Variants in KIF26B observed in about 807,000 individuals in gnomAD.
The protein encoded by KIF26B is kinesin-like protein KIF26B.
Under a neutral mutation model 151.2 loss-of-function variants are expected in KIF26B, and 63 were observed. That is an observed-to-expected ratio of 0.42 (90% confidence interval 0.34 to 0.51). KIF26B has a LOEUF of 0.51. KIF26B is among the 20% of genes least tolerant of loss of function. KIF26B has a pLI of 0.07. For synonymous variants in KIF26B, 1,357 were observed against 1,262.1 expected, an observed-to-expected ratio of 1.08 and a Z score of -1.59; for missense variants, 2,813 against 2,913.6, an observed-to-expected ratio of 0.97 and a Z score of 0.79.
chr1:245,197,019 C>T (rs1467896759), intron 2 of KIF26B, among the ~76,000 whole-genome samples: 1 of 152,136 alleles, frequency 6.6e-6, no homozygotes, highest in Non-Finnish European at 1.5e-5. Context: ...TTCTGTTCCG[C>T]ATTTGGAGAT....
intron 4 of KIF26B, among the ~76,000 whole-genome samples, chr1:245,481,426 G>C (rs922981366): frequency 1.3e-5 from 2 of 151,836 alleles, no homozygotes; most frequent in African/African-American, 4.8e-5. Flanking sequence ...TAAAATATCA[G>C]GCTTCTGTGT....
chr1:245,693,551 T>G (rs2044653226), intron 12 of KIF26B, among the ~76,000 whole-genome samples: 2 of 152,336 alleles, frequency 1.3e-5, no homozygotes, highest in South Asian at 4.1e-4. Flanking sequence ...GTCTGCTACT[T>G]TGTCATTCTA....
intron 2 of KIF26B, among the ~76,000 whole-genome samples, chr1:245,335,070 C>G (rs1035063804): frequency 5.3e-5 from 8 of 152,174 alleles, no homozygotes; most frequent in Non-Finnish European, 1.5e-5. Context: ...ACCACTGAGG[C>G]CCAGCACCAG....
intron 4 of KIF26B, among the ~76,000 whole-genome samples, chr1:245,507,046 G>A (rs1660740400): frequency 6.6e-6 from 1 of 152,168 alleles, no homozygotes; most frequent in Admixed American, 6.5e-5. Context: ...TACCTCCCAG[G>A]AGGCCCGAGG....
At chr1:245,309,681 TCTCA>T (rs947028300) in intron 2 of KIF26B, among the ~76,000 whole-genome samples, 5 of 147,922 alleles carry the variant, frequency 3.4e-5, no homozygotes, top group African/African-American at 9.8e-5. Flanking sequence ...AATAAATATC[TCTCA>T]CTATATATAG....
At chr1:245,310,033 T>C (rs1363357751) in intron 2 of KIF26B, among the ~76,000 whole-genome samples, 2 of 147,798 alleles carry the variant, frequency 1.4e-5, no homozygotes, top group African/African-American at 4.9e-5. Context: ...TCACGTGATC[T>C]TAGGTACTAG....
chr1:245,665,311 G>C (rs556295080), intron 10 of KIF26B, among the ~76,000 whole-genome samples: 2 of 152,288 alleles, frequency 1.3e-5, no homozygotes, highest in African/African-American at 4.8e-5. Flanking sequence ...TCAAAATTTA[G>C]ATGACTTGTT....
At chr1:245,439,113 C>T (rs984819903) in intron 4 of KIF26B, among the ~76,000 whole-genome samples, 2 of 151,918 alleles carry the variant, frequency 1.3e-5, no homozygotes, top group Admixed American at 6.6e-5. Flanking sequence ...TTTGGCAGGC[C>T]GAGGTGGGAG....
intron 9 of KIF26B, among the ~76,000 whole-genome samples, chr1:245,612,785 G>A (rs888488053): frequency 2.0e-5 from 3 of 152,028 alleles, no homozygotes; most frequent in Non-Finnish European, 4.4e-5. Flanking sequence ...CCCTCAAATC[G>A]TCAGTGAAGG....
Position 245,375,718 on chromosome 1 carries a change from A to G in KIF26B, c.999+8351A>G, listed in dbSNP as rs954711005. On this transcript the variant is annotated intron_variant, in intron 3 of 14. Transcript: ENST00000407071. The surrounding 1 kb of genome is among the most constrained non-coding windows in gnomAD (Gnocchi z 4.2). ...TCAGCAGCAATAGGAAGCTATTACAACTGGTGAGCCTTCTGTTAACTGAAA... is the reference window on the plus strand; with the variant it reads ...TCAGCAGCAATAGGAAGCTATTACAGCTGGTGAGCCTTCTGTTAACTGAAA... 1.3e-4 allele frequency among the ~76,000 whole-genome samples: 20 copies of G among 152,190 alleles called. No individual in the cohort carries two copies. The highest frequency in any genetic ancestry group is 4.8e-4 in the African/African-American group (20 of 41,444).
rs2043461148 is a variant in KIF26B at position 245,606,922 on chromosome 1, C to G, written c.1558-729C>G. Among the ~76,000 whole-genome samples, 2 of 151,816 alleles carry G rather than the reference C, an allele frequency of 1.3e-5. No individual in the cohort carries two copies. Among genetic ancestry groups the G allele is most frequent in the Admixed American group, 6.6e-5 (1 of 15,250 alleles). ...TACTAAAAAAATGCAAAAAATTAGC[C>G]AGGCATGGTGGCACATGCCTGTAAT... On this transcript the variant is annotated intron_variant, in intron 6 of 14. Coordinates refer to ENST00000407071, the MANE Select transcript of KIF26B (RefSeq NM_018012.4). The surrounding 1 kb of genome is among the most constrained non-coding windows in gnomAD (Gnocchi z 4.6).
intron 5 of KIF26B, among the ~76,000 whole-genome samples, chr1:245,573,224 T>A (rs1460344461): frequency 6.6e-6 from 1 of 152,128 alleles, no homozygotes; most frequent in African/African-American, 2.4e-5. Context: ...GAGGTCACAG[T>A]GCTTTTAAAA....
Position 245,366,800 on chromosome 1 carries a change from G to A in KIF26B, c.466-34G>A, listed in dbSNP as rs779461977. On this transcript the variant is annotated intron_variant, in intron 2 of 14. Coordinates refer to ENST00000407071, the MANE Select transcript of KIF26B (RefSeq NM_018012.4). ...TTGCACTAGCAGCCTTGGAGTTATA[G>A]AATCTCCTCTCCCTCTGCTTCTGTG... The A allele has an allele frequency of 1.1e-5, 18 of 1,601,812 alleles. No homozygotes were observed. The South Asian group carries it at 1.9e-4, about 17-fold the overall frequency.
Position 245,688,364 on chromosome 1 carries a change from G to A in KIF26B, c.5381G>A (p.Gly1794Asp). 1 of 1,555,408 alleles carries A rather than the reference G, an allele frequency of 6.4e-7. No individual in the cohort carries two copies. Among genetic ancestry groups the A allele is most frequent in the East Asian group, 2.4e-5 (1 of 41,340 alleles). Residue 1794 changes from glycine (G) to aspartate (D), a missense_variant, in exon 12 of 15, where the codon GGC (glycine) becomes GAC (aspartate). Gly to Asp is a moderately conservative substitution (Grantham distance 94, BLOSUM62 -1). Around this residue, in one of 3 missense-constraint regions of KIF26B, gnomAD observed 2,060 missense variants for 2,088.6 expected, o/e 0.99. Coordinates refer to ENST00000407071, the MANE Select transcript of KIF26B (RefSeq NM_018012.4). ...TCCCTCAGCAGGAACAGGAGCTCGG[G>A]CCTGGCCTCCAAGCTTCCCCTGCGG... ...TQSLSRNRSS[G>D]LASKLPLRAV... is the part of the protein sequence containing the mutation.
chr1:245,474,213 A>G (rs556575498), intron 4 of KIF26B, among the ~76,000 whole-genome samples: 2 of 125,790 alleles, frequency 1.6e-5, no homozygotes, highest in Admixed American at 7.7e-5. Flanking sequence ...GGTTCAAGTC[A>G]TTCTCCTGCC....
intron 3 of KIF26B, among the ~76,000 whole-genome samples, chr1:245,416,439 C>A (rs1351802734): frequency 6.6e-6 from 1 of 152,164 alleles, no homozygotes; most frequent in African/African-American, 2.4e-5. Context: ...ATGTTTTGAG[C>A]ATCTTTGTGT....
chr1:245,175,936 GTCTATATATATAGATATCTATA>G (rs1202502320), intron 2 of KIF26B, among the ~76,000 whole-genome samples: 4 of 118,746 alleles, frequency 3.4e-5, no homozygotes, highest in Admixed American at 7.9e-5. Flanking sequence ...ATATTTAGAT[GTCTATATATATAGATATCTATA>G]TCTATATATA....
chr1:245,288,163 C>T (rs1319974002), intron 2 of KIF26B, among the ~76,000 whole-genome samples: 2 of 152,150 alleles, frequency 1.3e-5, no homozygotes, highest in African/African-American at 2.4e-5. Context: ...AGTCCATCTG[C>T]TCTGAATACT....
At position 245,357,994 on chromosome 1, in the gene KIF26B, G is replaced by A. The variant is rs186608719; in HGVS notation, c.466-8840G>A. ...GGCAGTGGCGTCATCATAGCTCACTGCATCCTCAGCCTCCTGGGCTCAAGG... is the reference window on the plus strand; with the variant it reads ...GGCAGTGGCGTCATCATAGCTCACTACATCCTCAGCCTCCTGGGCTCAAGG... On this transcript the variant is annotated intron_variant, in intron 2 of 14. Transcript: ENST00000407071. Among the ~76,000 whole-genome samples the A allele has an allele frequency of 4.2e-3, 642 of 152,228 alleles. 4 individuals are homozygous for A. The highest frequency in any genetic ancestry group is 0.014 in the African/African-American group (597 of 41,536).
Sources: gnomAD v4.1 joint callset for allele counts (sites outside exome capture counted in the v4.1 genomes callset) on GRCh38, gnomAD v4.1.1 for gene constraint, gnomAD v4.1.1 regional missense constraint, Gnocchi (gnomAD v3.1) non-coding constraint, MANE v1.5 for transcripts, NCBI Gene and HGNC (gene_info 2026-07-23, HGNC 2026-07-21) for gene names.